Variants in CEP43 observed in about 807,000 individuals in gnomAD.
CEP43 encodes the protein centrosomal protein 43.
In CEP43, 36 loss-of-function variants were observed where a neutral mutation model predicts 52.6. The ratio of observed to expected loss-of-function variants is 0.68; its 90% CI spans 0.52 to 0.90. CEP43 has a LOEUF of 0.90. CEP43 is among the 40% of genes least tolerant of loss of function. CEP43 has a pLI of 0.00. For synonymous variants in CEP43, 192 were observed against 172.4 expected (o/e 1.11, Z -0.89); for missense variants, 506 against 472.8 (o/e 1.07, Z -0.65).
intron 10 of CEP43, among the ~76,000 whole-genome samples, chr6:167,029,632 A>G (rs1366860335): frequency 6.6e-6 from 1 of 152,280 alleles, no homozygotes; most frequent in Non-Finnish European, 1.5e-5. Flanking sequence ...ACTAAACAAT[A>G]CATAACCAAG....
chr6:167,025,007 T>A, intron 9 of CEP43, 113 bp downstream of exon 9: 3 of 655,500 alleles, frequency 4.6e-6, no homozygotes, highest in Non-Finnish European at 8.1e-6. Flanking sequence ...TAACCTATCA[T>A]TTTATCACTC....
Position 166,999,530 on chromosome 6 carries a change from G to A in CEP43, c.102+16G>A. ...CCGCATCAAGGTGAGGCCGGAGGCT[G>A]GGGCCGGGCCTGGCGGATCCGCAGG... is the stretch of plus-strand genomic sequence containing the variant. On this transcript the variant is annotated intron_variant, in intron 1 of 12. Transcript: ENST00000366847. 2.1e-6 allele frequency: 3 copies of A among 1,416,438 alleles called. No homozygotes were observed. The highest frequency in any genetic ancestry group is 1.9e-6 in the Non-Finnish European group (2 of 1,075,462). The allele number at this position is 1,416,438 out of a possible 1,614,324, so 87.7% of individuals were successfully genotyped here.
At position 167,019,143 on chromosome 6, in the gene CEP43, A is replaced by G. The variant is rs940402210; in HGVS notation, c.580-3266A>G. On this transcript the variant is annotated intron_variant, in intron 7 of 12. Transcript: ENST00000366847. ...TTTGGATATTGTGTTTTTGCACCTC[A>G]TGTTTATGAAGTGCCCGTTTTCCAC... is the stretch of plus-strand genomic sequence containing the variant. Among the ~76,000 whole-genome samples, 4 of 152,118 alleles carry G rather than the reference A, an allele frequency of 2.6e-5. No individual in the cohort carries two copies. The East Asian group carries it at 7.7e-4, about 29-fold the overall frequency.
chr6:167,036,119 A>G, intron 12 of CEP43: 1 of 985,430 alleles, frequency 1.0e-6, no homozygotes, highest in Non-Finnish European at 1.2e-6. Context: ...ACATAGGAAA[A>G]TCAAGATAAA....
Position 166,999,786 on chromosome 6 carries a change from G to A in CEP43, c.102+272G>A, listed in dbSNP as rs927520645. The A allele has an allele frequency of 4.4e-5, 23 of 527,804 alleles. No individual in the cohort carries two copies. The South Asian group carries it at 5.0e-4, about 11-fold the overall frequency. The allele number at this position is 527,804 out of a possible 1,614,324, so 32.7% of individuals were successfully genotyped here. ...GGGGGCGGGACCGCGGGGCTTGGGGGCCACACGGGCGGCCCGCAGCTGGGC... is the reference window on the plus strand; with the variant it reads ...GGGGGCGGGACCGCGGGGCTTGGGGACCACACGGGCGGCCCGCAGCTGGGC... On this transcript the variant is annotated intron_variant, in intron 1 of 12. Coordinates refer to ENST00000366847, the MANE Select transcript of CEP43 (RefSeq NM_007045.4).
At chr6:167,007,397 A>G (rs1160131377) in intron 5 of CEP43, among the ~76,000 whole-genome samples, 1 of 152,162 alleles carries the variant, frequency 6.6e-6, no homozygotes, top group Non-Finnish European at 1.5e-5. Flanking sequence ...TGTATCCTCA[A>G]AAGGTAGTTG....
intron 2 of CEP43, among the ~76,000 whole-genome samples, chr6:167,000,548 C>T (rs985802023): frequency 2.0e-5 from 3 of 152,174 alleles, no homozygotes; most frequent in Non-Finnish European, 2.9e-5. Context: ...AAAGTGCAGC[C>T]ACTACTCTAT....
intron 7 of CEP43, 49 bp from the exon 8 acceptor site, chr6:167,022,360 A>C (rs771871059): frequency 7.6e-7 from 1 of 1,314,354 alleles, no homozygotes; most frequent in African/African-American, 1.5e-5. Context: ...AAAATATCTT[A>C]AAGTTTTATC....
At chr6:167,003,123 G>A (rs1030537203) in intron 2 of CEP43, 70 bp from the exon 3 acceptor site, 13 of 705,948 alleles carry the variant, frequency 1.8e-5, no homozygotes, top group African/African-American at 1.5e-4. Flanking sequence ...CAATGAAAAC[G>A]TTAAACTTTA....
intron 5 of CEP43, among the ~76,000 whole-genome samples, chr6:167,009,871 T>C (rs1419469314): frequency 6.6e-6 from 1 of 151,642 alleles, no homozygotes; most frequent in Non-Finnish European, 1.5e-5. Context: ...AAGAAATGAA[T>C]AGATAAAGAT....
intron 12 of CEP43, among the ~76,000 whole-genome samples, chr6:167,039,136 CT>C (rs1166780888): frequency 3.7e-4 from 55 of 147,654 alleles, no homozygotes; most frequent in Admixed American, 6.8e-4. Context: ...TATTTTGTTA[CT>C]TTTTTTTTTT....
Position 166,999,967 on chromosome 6 carries a change from T to C in CEP43, c.103-93T>C, listed in dbSNP as rs367548748. 62 of 1,105,958 alleles carry C rather than the reference T, an allele frequency of 5.6e-5. No homozygotes were observed. The East Asian group carries it at 9.1e-4, about 16-fold the overall frequency. The allele number at this position is 1,105,958 out of a possible 1,614,324, so 68.5% of individuals were successfully genotyped here. A position where few individuals can be genotyped will look rare whatever the true frequency, so the allele number is the denominator to read the frequency against. ...CCTTTGCACCTGCCCTCCCAGCTCG[T>C]TGGCTTGCTCGTGTTTGTTGCTGGA... On this transcript the variant is annotated intron_variant, in intron 1 of 12. Transcript: ENST00000366847.
In CEP43 at chr6:167,041,066, A is replaced by G; in HGVS notation, c.*1088A>G. ...ATGCATATTTATATATAAGTAAAGC[A>G]GGATTGTGCTGTTTTTGCACTTTAT... On this transcript the variant is annotated 3_prime_UTR_variant, in exon 13 of 13. Transcript: ENST00000366847. 1 of 1,028,430 alleles carries G rather than the reference A, an allele frequency of 9.7e-7. No homozygotes were observed. The highest frequency in any genetic ancestry group is 1.2e-6 in the Non-Finnish European group (1 of 857,714). The allele number at this position is 1,028,430 out of a possible 1,614,324, so 63.7% of individuals were successfully genotyped here. A position where few individuals can be genotyped will look rare whatever the true frequency, so the allele number is the denominator to read the frequency against.
In CEP43 at chr6:167,000,158, TA is replaced by T. The variant is rs773788645; in HGVS notation, c.156+47del. The T allele has an allele frequency of 3.4e-5, 46 of 1,371,934 alleles. No individual in the cohort carries two copies. The African/African-American group carries it at 5.9e-4, about 18-fold the overall frequency. 85.0% of individuals were successfully genotyped at this position (1,371,934 alleles called of 1,614,324 possible). On this transcript the variant is annotated intron_variant, in intron 2 of 12. Transcript: ENST00000366847. Reference sequence around the variant, plus strand: ...TAACATGGCTGTATTCGTTAATACTTAATTTCTTATTCATTAAAAACCGTCT... The same window carrying T: ...TAACATGGCTGTATTCGTTAATACTTATTTCTTATTCATTAAAAACCGTCT...
chr6:167,006,484 C>T (rs1341697124), intron 5 of CEP43, among the ~76,000 whole-genome samples: 3 of 151,916 alleles, frequency 2.0e-5, no homozygotes, highest in Admixed American at 2.0e-4. Flanking sequence ...CGCACTCCAG[C>T]CTGGCGACAG....
Position 167,044,390 on chromosome 6 carries a change from A to G in CEP43, c.*4412A>G, listed in dbSNP as rs192163770. On this transcript the variant is annotated 3_prime_UTR_variant, in exon 13 of 13. Transcript: ENST00000366847. ...GTAAGCTCAAAGGCAATTTCAAAGA[A>G]ATCTTTATGTTTAGCAAGAAGACCA... 3.0e-5 allele frequency: 30 copies of G among 985,362 alleles called. No individual in the cohort carries two copies. In the Admixed American group the frequency reaches 1.6e-3, roughly 52 times the overall value. 61.0% of individuals were successfully genotyped at this position (985,362 alleles called of 1,614,324 possible). A position where few individuals can be genotyped will look rare whatever the true frequency, so the allele number is the denominator to read the frequency against.
rs1780745227 is a variant in CEP43, at chr6:167,043,556, A to ATTTT, written c.*3582_*3585dup. On this transcript the variant is annotated 3_prime_UTR_variant, in exon 13 of 13. Coordinates refer to ENST00000366847, the MANE Select transcript of CEP43 (RefSeq NM_007045.4). Reference sequence around the variant, plus strand: ...CCACCATGCCCAGCTAATTTTTATAATTTTTTTGTAGAGACGGGATTTCAC... The same window carrying ATTTT: ...CCACCATGCCCAGCTAATTTTTATAATTTTTTTTTTTGTAGAGACGGGATTTCAC... 6.6e-6 allele frequency: 1 copy of ATTTT among 150,972 alleles called. No individual in the cohort carries two copies. The highest frequency in any genetic ancestry group is 2.4e-5 in the African/African-American group (1 of 41,040). 9.4% of individuals were successfully genotyped at this position (150,972 alleles called of 1,614,324 possible). A position where few individuals can be genotyped will look rare whatever the true frequency, so the allele number is the denominator to read the frequency against.
chr6:167,008,628 C>T (rs973073419), intron 5 of CEP43, among the ~76,000 whole-genome samples: 9 of 152,088 alleles, frequency 5.9e-5, no homozygotes, highest in Non-Finnish European at 1.2e-4. Flanking sequence ...CCACCACACC[C>T]GGCTAATTTT....
At chr6:167,024,496 C>G (rs1166935995) in intron 8 of CEP43, among the ~76,000 whole-genome samples, 1 of 151,938 alleles carries the variant, frequency 6.6e-6, no homozygotes, top group Non-Finnish European at 1.5e-5. Flanking sequence ...TGGAAAAGGG[C>G]TTCCGAAAAA....
Sources: gnomAD v4.1 joint callset for allele counts (sites outside exome capture counted in the v4.1 genomes callset) on GRCh38, gnomAD v4.1.1 for gene constraint, MANE v1.5 for transcripts, NCBI Gene and HGNC (gene_info 2026-07-23, HGNC 2026-07-21) for gene names.